The following ABI3BP variants were observed in gnomAD, a reference collection of about 807,000 sequenced individuals.
The protein encoded by ABI3BP is ABI family member 3 binding protein, also known as target of Nesh-SH3.
Under a neutral mutation model 268.6 loss-of-function variants are expected in ABI3BP, and 216 were observed. The ratio of observed to expected loss-of-function variants is 0.80; its 90% confidence interval spans 0.72 to 0.90. The LOEUF (loss-of-function observed/expected upper bound fraction) is 0.90, where lower values mean the gene tolerates loss of function less well. ABI3BP is among the 40% of genes least tolerant of loss of function. The probability of loss-of-function intolerance (pLI) is 0.00; values close to 1 mark genes in which losing one functional copy is unlikely to be tolerated. For missense variants in ABI3BP, 2,090 were observed against 2,182.4 expected (o/e 0.96, Z 0.84); for synonymous variants, 730 against 730.0 (o/e 1.00, Z 0.00).
At chr3:100,916,951 A>T (rs1041015057) in intron 2 of ABI3BP, among the ~76,000 whole-genome samples, 3 of 152,238 alleles carry the variant, frequency 2.0e-5, no homozygotes, top group African/African-American at 7.2e-5. Flanking sequence ...AGGGAGCACA[A>T]TTAATTATAT....
chr3:100,872,428 A>T (rs982351872), intron 9 of ABI3BP, among the ~76,000 whole-genome samples: 1 of 152,198 alleles, frequency 6.6e-6, no homozygotes, highest in Non-Finnish European at 1.5e-5. Flanking sequence ...ATTAGGAAAT[A>T]TCACTCAAGA....
chr3:100,911,668 G>A (rs1583094046), intron 2 of ABI3BP: 1 of 741,052 alleles, frequency 1.3e-6, no homozygotes, highest in East Asian at 2.4e-5. Flanking sequence ...TAACCTAGTT[G>A]TTCAGAAATA....
chr3:100,917,780 GTT>G (rs1368664039), intron 2 of ABI3BP, among the ~76,000 whole-genome samples: 8 of 152,288 alleles, frequency 5.3e-5, no homozygotes, highest in African/African-American at 1.9e-4. Flanking sequence ...CTTGGTGACA[GTT>G]TATCATTTGA....
intron 14 of ABI3BP, among the ~76,000 whole-genome samples, chr3:100,857,558 G>T (rs1262918258): frequency 6.6e-6 from 1 of 152,200 alleles, no homozygotes; most frequent in African/African-American, 2.4e-5. Flanking sequence ...CACAGATCAT[G>T]TGATGTTTCT....
intron 1 of ABI3BP, among the ~76,000 whole-genome samples, chr3:100,944,615 A>AT (rs1180420161): frequency 6.6e-6 from 1 of 152,192 alleles, no homozygotes; most frequent in Non-Finnish European, 1.5e-5. Flanking sequence ...AATAAATCTG[A>AT]TTTTTTAAAG....
intron 67 of ABI3BP, among the ~76,000 whole-genome samples, chr3:100,751,350 A>ATG (rs1452939850): frequency 2.6e-5 from 4 of 152,138 alleles, no homozygotes; most frequent in Non-Finnish European, 5.9e-5. Context: ...TTGAAGTAGA[A>ATG]TGCATTTATA....
chr3:100,805,177 C>T (rs559545672), intron 50 of ABI3BP, among the ~76,000 whole-genome samples: 1 of 152,038 alleles, frequency 6.6e-6, no homozygotes, highest in South Asian at 2.1e-4. Context: ...TGTAAGAGAG[C>T]TTTTCTTTAC....
At chr3:100,957,281 C>A (rs140325885) in intron 1 of ABI3BP, among the ~76,000 whole-genome samples, 4 of 152,066 alleles carry the variant, frequency 2.6e-5, no homozygotes, top group Non-Finnish European at 5.9e-5. Flanking sequence ...TGAGGAGCTA[C>A]GGATGTCTCC....
At chr3:100,756,425 A>G (rs546274644) in intron 63 of ABI3BP, among the ~76,000 whole-genome samples, 140 of 152,342 alleles carry the variant, frequency 9.2e-4, no homozygotes, top group Non-Finnish European at 1.7e-3. Context: ...TTGCAATGAG[A>G]GATTGTTGAT....
chr3:100,905,661 G>T (rs1484490026), intron 2 of ABI3BP, among the ~76,000 whole-genome samples: 1 of 151,800 alleles, frequency 6.6e-6, no homozygotes, highest in African/African-American at 2.4e-5. Flanking sequence ...CCACTATTCT[G>T]GTAGGAACAA....
intron 51 of ABI3BP, among the ~76,000 whole-genome samples, chr3:100,797,560 CTGTT>C (rs2097382368): frequency 7.6e-6 from 1 of 132,062 alleles, no homozygotes; most frequent in Non-Finnish European, 1.6e-5. Context: ...GATGAAGAAA[CTGTT>C]TTTTTTTTTT....
intron 51 of ABI3BP, among the ~76,000 whole-genome samples, chr3:100,803,068 G>A (rs1327127187): frequency 6.8e-6 from 1 of 146,034 alleles, no homozygotes; most frequent in African/African-American, 2.4e-5. Context: ...GGAGAACCCT[G>A]ATCATATGGC....
chr3:100,792,574 G>T, intron 55 of ABI3BP, 117 bp downstream of exon 55: 1 of 1,033,796 alleles, frequency 9.7e-7, no homozygotes, highest in Non-Finnish European at 1.4e-6. Context: ...CCTATAAAAT[G>T]ACAAAAAAAG....
chr3:100,800,212 T>A (rs2097489007), intron 51 of ABI3BP, among the ~76,000 whole-genome samples: 1 of 126,836 alleles, frequency 7.9e-6, no homozygotes, highest in Non-Finnish European at 1.6e-5. Flanking sequence ...TGGCTATTAA[T>A]CTTTTTTTTT....
Position 100,840,152 on chromosome 3 carries a change from G to A in ABI3BP, c.1817C>T (p.Thr606Ile), listed in dbSNP as rs2098669847. The part of the protein sequence containing the change: ...KPSTTLAPRK[T>I]KRPGRRPRPR... ...GCGGGGGCGACGACCTGGTCTTTTG[G>A]TCTTTCGTGGTGCTGAAGAAAGAAA... is the stretch of plus-strand genomic sequence containing the variant. The change falls in exon 23 of 68, where the codon ACC becomes ATC. Residue 606 changes from threonine (T) to isoleucine (I), a missense_variant. Transcript: ENST00000471714. 1 of 1,532,080 alleles carries A rather than the reference G, an allele frequency of 6.5e-7. No homozygotes were observed. The highest frequency in any genetic ancestry group is 1.4e-5 in the African/African-American group (1 of 72,740). 94.9% of individuals were successfully genotyped at this position (1,532,080 alleles called of 1,614,324 possible).
chr3:100,915,921 T>C (rs562605991), intron 2 of ABI3BP, among the ~76,000 whole-genome samples: 1 of 152,330 alleles, frequency 6.6e-6, no homozygotes, highest in Admixed American at 6.5e-5. Flanking sequence ...GCAGATTCTC[T>C]CCCTGATACC....
intron 44 of ABI3BP, among the ~76,000 whole-genome samples, chr3:100,814,692 T>G (rs1306320005): frequency 6.6e-6 from 1 of 152,090 alleles, no homozygotes; most frequent in Non-Finnish European, 1.5e-5. Context: ...TGTTCCTTAT[T>G]CCACCCCACT....
chr3:100,969,042 G>A (rs186166461), intron 1 of ABI3BP, among the ~76,000 whole-genome samples: 2 of 152,148 alleles, frequency 1.3e-5, no homozygotes, highest in African/African-American at 4.8e-5. Flanking sequence ...CACCAATAAG[G>A]TCAGTATTGC....
At chr3:100,931,367 A>G (rs1364317510) in intron 1 of ABI3BP, among the ~76,000 whole-genome samples, 4 of 152,118 alleles carry the variant, frequency 2.6e-5, no homozygotes, top group Non-Finnish European at 5.9e-5. Flanking sequence ...AAGAGAAAGC[A>G]AGAGAAAGAA....
Sources: allele counts gnomAD v4.1 joint callset (sites outside exome capture counted in the v4.1 genomes callset), GRCh38; gene constraint gnomAD v4.1.1; transcripts MANE v1.5; gene names NCBI Gene and HGNC (gene_info 2026-07-23, HGNC 2026-07-21).